C12orf42: variants seen among roughly 807,000 people sequenced by gnomAD.
C12orf42 encodes uncharacterized protein C12orf42.
Under a neutral mutation model 21.6 loss-of-function variants are expected in C12orf42, and 25 were observed. That is an observed-to-expected ratio of 1.16 (90% confidence interval 0.84 to 1.62). The LOEUF is 1.62. C12orf42 is among the 40% of genes most tolerant of loss of function. The pLI, the probability that C12orf42 is intolerant of heterozygous loss-of-function variation, is 0.00. For missense variants in C12orf42, 483 were observed against 459.3 expected (o/e 1.05, Z -0.47); for synonymous variants, 174 against 175.0 (o/e 0.99, Z 0.05).
intron 5 of C12orf42, 86 bp from the exon 6 acceptor site, chr12:103,302,645 A>T: frequency 8.9e-7 from 1 of 1,122,524 alleles, no homozygotes; most frequent in East Asian, 2.4e-5. Context: ...TGGACGTCTG[A>T]GAAATCAACA....
At chr12:103,223,177 TG>T in the C12orf42 span, among the ~76,000 whole-genome samples, 1 of 151,976 alleles carries the variant, frequency 6.6e-6, no homozygotes, top group African/African-American at 2.4e-5. Context: ...GTTGAAGTGT[TG>T]GGGTGGCGAA....
At chr12:103,530,429 A>G in the C12orf42 span, among the ~76,000 whole-genome samples, 1 of 152,182 alleles carries the variant, frequency 6.6e-6, no homozygotes, top group African/African-American at 2.4e-5. Context: ...GCAGGAGCTG[A>G]CCCAGGCTTA....
chr12:103,350,582 C>T (rs1475857148), intron 4 of C12orf42, among the ~76,000 whole-genome samples: 1 of 152,106 alleles, frequency 6.6e-6, no homozygotes, highest in African/African-American at 2.4e-5. Flanking sequence ...TAGGAGAAAA[C>T]ATAGTATATA....
At chr12:103,149,164 C>G in the C12orf42 span, among the ~76,000 whole-genome samples, 4 of 152,112 alleles carry the variant, frequency 2.6e-5, no homozygotes, top group Admixed American at 6.6e-5. Context: ...AAATTGCATC[C>G]TCCTCTCGTT....
intron 4 of C12orf42, among the ~76,000 whole-genome samples, chr12:103,284,028 T>C (rs1239880724): frequency 6.6e-6 from 1 of 152,156 alleles, no homozygotes; most frequent in Non-Finnish European, 1.5e-5. Context: ...ACTTCTGGGA[T>C]GATAAAAAAT....
At chr12:103,470,251 G>A (rs1290743707) in intron 2 of C12orf42, among the ~76,000 whole-genome samples, 1 of 152,166 alleles carries the variant, frequency 6.6e-6, no homozygotes, top group Non-Finnish European at 1.5e-5. Flanking sequence ...CGAGGCTGGT[G>A]GTCCTGACAT....
At chr12:103,444,310 C>T (rs1052694828) in intron 2 of C12orf42, among the ~76,000 whole-genome samples, 7 of 152,056 alleles carry the variant, frequency 4.6e-5, no homozygotes, top group South Asian at 2.1e-4. Context: ...GGTTCTAATA[C>T]AAAGGGCTTT....
chr12:103,497,611 C>G, upstream of C12orf42, among the ~76,000 whole-genome samples: 1 of 152,194 alleles, frequency 6.6e-6, no homozygotes, highest in East Asian at 1.9e-4. Context: ...GCTGTTTTCA[C>G]TACAGAAATG....
chr12:103,151,046 G>T, the C12orf42 span, among the ~76,000 whole-genome samples: 1 of 152,250 alleles, frequency 6.6e-6, no homozygotes, highest in East Asian at 1.9e-4. Context: ...TCCTGCCTCA[G>T]CACCCTGAGT....
chr12:103,240,894 T>G (rs1016132174), intron 10 of C12orf42, among the ~76,000 whole-genome samples: 3 of 152,078 alleles, frequency 2.0e-5, no homozygotes, highest in African/African-American at 7.2e-5. Flanking sequence ...TAAAACACAG[T>G]AGATGCCCTG....
intron 4 of C12orf42, among the ~76,000 whole-genome samples, chr12:103,353,674 T>A (rs902576325): frequency 2.6e-5 from 4 of 152,036 alleles, no homozygotes; most frequent in Non-Finnish European, 4.4e-5. Context: ...GCTGAACAGC[T>A]AAAAACTACC....
chr12:103,135,190 C>T, the C12orf42 span, among the ~76,000 whole-genome samples: 1 of 152,324 alleles, frequency 6.6e-6, no homozygotes, highest in East Asian at 1.9e-4. Flanking sequence ...CAGGTTTGCT[C>T]ATGCCTGTAA....
chr12:103,322,101 A>G (rs1045345426), intron 4 of C12orf42, among the ~76,000 whole-genome samples: 13 of 115,406 alleles, frequency 1.1e-4, no homozygotes, highest in Admixed American at 1.6e-4. Context: ...TCAGATGTGC[A>G]CGCGCGTGCG....
At chr12:103,152,693 T>A in the C12orf42 span, among the ~76,000 whole-genome samples, 1 of 152,044 alleles carries the variant, frequency 6.6e-6, no homozygotes, top group East Asian at 1.9e-4. Context: ...TATAATGCAA[T>A]ATAGTAATCA....
At chr12:103,137,333 C>G in the C12orf42 span, among the ~76,000 whole-genome samples, 1 of 151,370 alleles carries the variant, frequency 6.6e-6, no homozygotes, top group Non-Finnish European at 1.5e-5. Flanking sequence ...CATCCCATTC[C>G]TACTTAGAAT....
the C12orf42 span, among the ~76,000 whole-genome samples, chr12:103,189,501 C>G: frequency 6.6e-6 from 1 of 152,148 alleles, no homozygotes; most frequent in Non-Finnish European, 1.5e-5. Context: ...AAATGGGACA[C>G]AAAAACAAGA....
intron 3 of C12orf42, among the ~76,000 whole-genome samples, chr12:103,373,847 A>G (rs2045469076): frequency 6.6e-6 from 1 of 152,254 alleles, no homozygotes; most frequent in Non-Finnish European, 1.5e-5. Flanking sequence ...TGTGATTGAG[A>G]ATAGCCACTA....
At chr12:103,197,859 T>A in the C12orf42 span, among the ~76,000 whole-genome samples, 2 of 152,210 alleles carry the variant, frequency 1.3e-5, no homozygotes, top group African/African-American at 4.8e-5. Context: ...CTGGGCTGCA[T>A]GCTGTAATTG....
At chr12:103,235,758 C>G (rs1223241216), downstream of C12orf42, among the ~76,000 whole-genome samples, 1 of 152,090 alleles carries the variant, frequency 6.6e-6, no homozygotes, top group Non-Finnish European at 1.5e-5. Context: ...AGTGTTTAAC[C>G]ACTACCACTG....
Sources: allele counts gnomAD v4.1 joint callset (sites outside exome capture counted in the v4.1 genomes callset), GRCh38; gene constraint gnomAD v4.1.1; transcripts MANE v1.5; gene names NCBI Gene and HGNC (gene_info 2026-07-23, HGNC 2026-07-21).